Variants in AVL9 observed in about 807,000 individuals in gnomAD.
The protein encoded by AVL9 is late secretory pathway protein AVL9 homolog.
Under a neutral mutation model 79.2 loss-of-function variants are expected in AVL9, and 49 were observed. That is an observed-to-expected ratio of 0.62 (90% confidence interval 0.49 to 0.79). The LOEUF (loss-of-function observed/expected upper bound fraction) is 0.79. Ranked by LOEUF, AVL9 falls within the 30% of genes least tolerant of loss-of-function variation. The pLI is 0.00. For missense variants in AVL9, 682 were observed against 776.8 expected (o/e 0.88, Z 1.45); for synonymous variants, 299 against 280.6 (o/e 1.07, Z -0.65).
chr7:32,577,785 C>T (rs951451058), intron 13 of AVL9, among the ~76,000 whole-genome samples: 16 of 152,122 alleles, frequency 1.1e-4, no homozygotes, highest in African/African-American at 3.9e-4. Flanking sequence ...GAAGTTGAGC[C>T]TATTTAGATT....
intron 13 of AVL9, 25 bp downstream of exon 13, chr7:32,576,097 T>C (rs1387000923): frequency 3.3e-6 from 5 of 1,509,382 alleles, no homozygotes; most frequent in African/African-American, 1.4e-5. Context: ...TGAAGATTGA[T>C]AGTACATAAA....
At chr7:32,578,590 G>A (rs1294599290) in intron 13 of AVL9, among the ~76,000 whole-genome samples, 2 of 152,040 alleles carry the variant, frequency 1.3e-5, no homozygotes, top group African/African-American at 2.4e-5. Context: ...GGCGGATCAC[G>A]TGAGCTCAGG....
At chr7:32,534,081 T>C (rs951391090) in intron 1 of AVL9, 4 of 152,230 alleles carry the variant, frequency 2.6e-5, no homozygotes, top group African/African-American at 9.6e-5. Flanking sequence ...GTAATTTTTA[T>C]TACTGGAGGA....
At chr7:32,541,594 C>T (rs981853189) in intron 1 of AVL9, among the ~76,000 whole-genome samples, 1 of 152,144 alleles carries the variant, frequency 6.6e-6, no homozygotes, top group Admixed American at 6.5e-5. Context: ...TCACATCCTG[C>T]CTTCCCTCAC....
chr7:32,503,373 T>TAGAGAGAGATACACACACAC (rs1554332720), intron 1 of AVL9, among the ~76,000 whole-genome samples: 1 of 105,798 alleles, frequency 9.5e-6, no homozygotes, highest in Non-Finnish European at 1.8e-5. Flanking sequence ...TATATATATA[T>TAGAGAGAGATACACACACAC]ACACACACAC....
intron 1 of AVL9, among the ~76,000 whole-genome samples, chr7:32,524,939 T>C (rs1366372091): frequency 1.3e-5 from 2 of 152,114 alleles, no homozygotes; most frequent in Non-Finnish European, 2.9e-5. Context: ...AAAATAAAAG[T>C]GGTTTACATA....
intron 1 of AVL9, among the ~76,000 whole-genome samples, chr7:32,516,048 C>T (rs1019820924): frequency 6.6e-6 from 1 of 152,190 alleles, no homozygotes; most frequent in African/African-American, 2.4e-5. Context: ...AACAAAGGCA[C>T]CACTCACCCC....
intron 10 of AVL9, among the ~76,000 whole-genome samples, chr7:32,569,249 A>G (rs1019550238): frequency 2.0e-5 from 3 of 152,206 alleles, no homozygotes; most frequent in East Asian, 1.9e-4. Flanking sequence ...GGCTGTATAT[A>G]CAAGTCATGC....
chr7:32,528,450 G>T (rs569229606), intron 1 of AVL9, among the ~76,000 whole-genome samples: 2 of 152,250 alleles, frequency 1.3e-5, no homozygotes, highest in East Asian at 3.9e-4. Context: ...ATTGAGGAGA[G>T]AGCCCGTTTT....
At chr7:32,565,204 G>C (rs1005195696) in intron 10 of AVL9, among the ~76,000 whole-genome samples, 1 of 152,108 alleles carries the variant, frequency 6.6e-6, no homozygotes, top group East Asian at 1.9e-4. Flanking sequence ...TTCTAGTTAC[G>C]AGATTATTGC....
At chr7:32,517,800 T>G (rs1161849065) in intron 1 of AVL9, among the ~76,000 whole-genome samples, 1 of 129,484 alleles carries the variant, frequency 7.7e-6, no homozygotes, top group African/African-American at 3.1e-5. Flanking sequence ...CAGAATGATC[T>G]TTGCTTGTGT....
rs769783729 is a variant in AVL9 at position 32,558,967 on chromosome 7, A to G, written c.718A>G (p.Arg240Gly). 10 of 1,610,082 alleles carry G rather than the reference A, an allele frequency of 6.2e-6. No individual in the cohort carries two copies. The Middle Eastern group carries it at 6.6e-4, about 106-fold the overall frequency. ...EHGLSDCSQY[R>G]PRKSMSEDGG... ...TGGTCTCAGTGACTGTTCTCAGTAT[A>G]GACCCCGGAAAAGTATGTCTGAAGA... is the stretch of plus-strand genomic sequence containing the variant. The change falls in exon 10 of 16, where the codon AGA (arginine) becomes GGA (glycine). Residue 240 changes from arginine to glycine, a missense_variant. By Grantham distance (125) the Arg-to-Gly change is moderately radical (BLOSUM62 -2). Coordinates refer to ENST00000318709, the MANE Select transcript of AVL9 (RefSeq NM_015060.3).
At chr7:32,566,880 C>T (rs2128146103) in intron 10 of AVL9, among the ~76,000 whole-genome samples, 1 of 152,222 alleles carries the variant, frequency 6.6e-6, no homozygotes, top group Admixed American at 6.5e-5. Flanking sequence ...CAGACTCCGT[C>T]TCAAAAAATA....
Position 32,495,808 on chromosome 7 carries a change from GA to G in AVL9, c.93+9del. On this transcript the variant is annotated splice_region_variant and intron_variant, in intron 1 of 15. Coordinates refer to ENST00000318709, the MANE Select transcript of AVL9 (RefSeq NM_015060.3). ...ACCACAAGAAGGGCTGCCAGGTGAG[GA>G]AAGGGCCCGCCCCCGCCCCCAGCCG... 1.1e-5 allele frequency: 14 copies of G among 1,256,466 alleles called. No homozygotes were observed. Among genetic ancestry groups the G allele is most frequent in the Non-Finnish European group, 1.4e-5 (14 of 991,166 alleles). The allele number at this position is 1,256,466 out of a possible 1,614,324, so 77.8% of individuals were successfully genotyped here. A position where few individuals can be genotyped will look rare whatever the true frequency, so the allele number is the denominator to read the frequency against.
rs753979768 is a variant in AVL9, at chr7:32,558,562, C to A, written c.613C>A (p.Leu205Ile). 2 of 1,607,960 alleles carry A rather than the reference C, an allele frequency of 1.2e-6. No individual in the cohort carries two copies. Among genetic ancestry groups the A allele is most frequent in the Non-Finnish European group, 1.7e-6 (2 of 1,177,030 alleles). Residue 205 changes from leucine (L) to isoleucine (I), a missense_variant, in exon 9 of 16, where the codon CTT (leucine) becomes ATT (isoleucine). Transcript: ENST00000318709. ...FKLILLEKKVLFYISPVNKLV... is the reference protein window; with the variant it reads ...FKLILLEKKVIFYISPVNKLV... ...ATTTTGATTGACTCCATTCCAGGTT[C>A]TTTTTTATATTTCTCCAGTGAATAA...
chr7:32,499,992 A>G (rs1484317177), intron 1 of AVL9, among the ~76,000 whole-genome samples: 1 of 152,132 alleles, frequency 6.6e-6, no homozygotes, highest in Admixed American at 6.5e-5. Context: ...TATCCAGTCT[A>G]TCATTGATGG....
At chr7:32,496,133 T>C (rs924315669) in intron 1 of AVL9, among the ~76,000 whole-genome samples, 3 of 152,246 alleles carry the variant, frequency 2.0e-5, no homozygotes, top group African/African-American at 4.8e-5. Context: ...CCGTCCATCA[T>C]TGTCTCCACT....
chr7:32,522,880 A>C (rs1005267206), intron 1 of AVL9, among the ~76,000 whole-genome samples: 2 of 152,130 alleles, frequency 1.3e-5, no homozygotes, highest in Non-Finnish European at 2.9e-5. Flanking sequence ...AATAAGTCTC[A>C]CAAGCTCTGA....
chr7:32,572,801 C>CAAAAAAAAAAAAAAAAAAAAAAAAAA (rs3080635), intron 11 of AVL9, among the ~76,000 whole-genome samples: 1 of 93,472 alleles, frequency 1.1e-5, no homozygotes, highest in African/African-American at 5.0e-5. Flanking sequence ...GACTCCGTCT[C>CAAAAAAAAAAAAAAAAAAAAAAAAAA]AAAAAAAAAA....
Sources: gnomAD v4.1 joint callset for allele counts (sites outside exome capture counted in the v4.1 genomes callset) on GRCh38, gnomAD v4.1.1 for gene constraint, MANE v1.5 for transcripts, NCBI Gene and HGNC (gene_info 2026-07-23, HGNC 2026-07-21) for gene names.